Variants in TMPRSS9 observed in about 807,000 individuals in gnomAD.
The protein encoded by TMPRSS9 is transmembrane serine protease 9.
A neutral mutation model predicts 111.4 loss-of-function variants in TMPRSS9; 113 were observed. The observed-to-expected ratio is 1.01, with a 90% confidence interval of 0.87 to 1.19. The LOEUF (loss-of-function observed/expected upper bound fraction) is 1.19. Among genes scored for constraint, TMPRSS9 ranks in the 50% most tolerant of loss-of-function variants. TMPRSS9 has a pLI of 0.00. For missense variants in TMPRSS9, 1,803 were observed against 1,513.1 expected (o/e 1.19, Z -3.18); for synonymous variants, 805 against 659.1 (o/e 1.22, Z -3.39).
At chr19:2,420,441 C>CAAA (rs575760141) in intron 13 of TMPRSS9, among the ~76,000 whole-genome samples, 2,367 of 106,086 alleles carry the variant, frequency 0.022, 48 homozygotes, top group Middle Eastern at 0.041. Flanking sequence ...GACTCCACCT[C>CAAA]AAAAAAAAAA....
rs768859685 is a variant in TMPRSS9, at chr19:2,421,833, T to C, written c.2155-21T>C. On this transcript the variant is annotated intron_variant, in intron 13 of 17. Transcript: ENST00000648592. ...AGAGGGTCCCTGGAGGACCAACCAG[T>C]GCTCTTTCCTTCCTTTCTAGGGTGA... 2.0e-5 allele frequency: 31 copies of C among 1,571,818 alleles called. No individual in the cohort carries two copies. In the South Asian group the frequency reaches 3.2e-4, roughly 16 times the overall value.
chr19:2,366,856 CAAAA>C (rs769704683), intron 1 of TMPRSS9, among the ~76,000 whole-genome samples: 5 of 61,336 alleles, frequency 8.2e-5, no homozygotes, highest in Non-Finnish European at 1.7e-4. Context: ...GACTCCATTT[CAAAA>C]AAAAAAAAAA....
intron 1 of TMPRSS9, among the ~76,000 whole-genome samples, chr19:2,377,479 CTCTCT>C (rs1970346931): frequency 1.4e-5 from 1 of 71,738 alleles, no homozygotes; most frequent in African/African-American, 7.9e-5. Context: ...CTCCCCTCTC[CTCTCT>C]CCCCCCCACC....
intron 10 of TMPRSS9, among the ~76,000 whole-genome samples, chr19:2,415,113 T>G (rs1247912327): frequency 2.6e-5 from 4 of 151,458 alleles, no homozygotes; most frequent in African/African-American, 9.7e-5. Context: ...CTTGGCTAAT[T>G]TTTGTATTTT....
chr19:2,416,610 G>A, exon 12 of TMPRSS9: 5 of 1,612,760 alleles, frequency 3.1e-6, no homozygotes, highest in Non-Finnish European at 4.2e-6. Context: ...GCCCGGTGAA[G>A]ATCGGGCTGC....
Position 2,416,816 on chromosome 19 carries a change from G to T in TMPRSS9, c.2017+7G>T. 1 of 1,599,814 alleles carries T rather than the reference G, an allele frequency of 6.3e-7. No individual in the cohort carries two copies. ...AATACGCAGGAAGGAAATGGTGAGC[G>T]CTGCCCCATCGAGGGGAACGGTGGA... On this transcript the variant is annotated splice_region_variant and intron_variant, in intron 12 of 17. Transcript: ENST00000648592.
chr19:2,386,884 T>G (rs1970488613), upstream of TMPRSS9, among the ~76,000 whole-genome samples: 1 of 151,784 alleles, frequency 6.6e-6, no homozygotes, highest in South Asian at 2.1e-4. Flanking sequence ...CCCAGCTACT[T>G]GGGAGACTGA....
intron 7 of TMPRSS9, among the ~76,000 whole-genome samples, chr19:2,407,432 C>A (rs1359028485): frequency 2.0e-5 from 3 of 151,486 alleles, no homozygotes; most frequent in Admixed American, 2.0e-4. Context: ...GAGGCTGAGG[C>A]ACGAGGATCA....
chr19:2,370,420 CA>C (rs1307653420), intron 1 of TMPRSS9, among the ~76,000 whole-genome samples: 10,248 of 71,126 alleles, frequency 0.14, 376 homozygotes, highest in East Asian at 0.38. Flanking sequence ...GACTCTGTCT[CA>C]AAAAAAAAAA....
chr19:2,371,751 C>G (rs1970292280), intron 1 of TMPRSS9, among the ~76,000 whole-genome samples: 2 of 151,790 alleles, frequency 1.3e-5, no homozygotes, highest in Non-Finnish European at 1.5e-5. Context: ...CTTGAGCAAA[C>G]CAGGGCCAGG....
At chr19:2,381,141 G>C (rs1370578634) in intron 1 of TMPRSS9, among the ~76,000 whole-genome samples, 4 of 151,974 alleles carry the variant, frequency 2.6e-5, no homozygotes, top group African/African-American at 9.7e-5. Flanking sequence ...TCTCATTCAG[G>C]GTTCGACGCA....
At chr19:2,409,086 G>A (rs558726566) in intron 8 of TMPRSS9, among the ~76,000 whole-genome samples, 10 of 149,782 alleles carry the variant, frequency 6.7e-5, no homozygotes, top group South Asian at 6.3e-4. Context: ...CTGTATTCAC[G>A]AATTCCACTG....
intron 1 of TMPRSS9, among the ~76,000 whole-genome samples, chr19:2,371,803 G>A (rs1055913948): frequency 6.6e-6 from 1 of 152,266 alleles, no homozygotes; most frequent in African/African-American, 2.4e-5. Context: ...CTGGGTGACA[G>A]GGACTCTCAC....
intron 1 of TMPRSS9, among the ~76,000 whole-genome samples, chr19:2,372,253 TCTC>T (rs2145248067): frequency 6.6e-6 from 1 of 152,080 alleles, no homozygotes; most frequent in Admixed American, 6.6e-5. Flanking sequence ...GGCGGGCGAG[TCTC>T]CTCCTACTGA....
chr19:2,391,923 G>C (rs1376663342), intron 1 of TMPRSS9, among the ~76,000 whole-genome samples: 1 of 151,904 alleles, frequency 6.6e-6, no homozygotes, highest in South Asian at 2.1e-4. Context: ...TGTATTTTTA[G>C]TAGAGATAGG....
intron 1 of TMPRSS9, among the ~76,000 whole-genome samples, chr19:2,378,095 G>T (rs1355593287): frequency 2.0e-5 from 3 of 151,990 alleles, no homozygotes; most frequent in Non-Finnish European, 4.4e-5. Context: ...GCCCAGGCTG[G>T]TCTCAAACTC....
At chr19:2,403,538 G>A (rs902494689) in intron 6 of TMPRSS9, among the ~76,000 whole-genome samples, 1 of 152,092 alleles carries the variant, frequency 6.6e-6, no homozygotes, top group African/African-American at 2.4e-5. Context: ...AGGGATGTGA[G>A]CAACGGAAAG....
intron 10 of TMPRSS9, among the ~76,000 whole-genome samples, 161 bp from the exon 12 acceptor site, chr19:2,415,509 A>G (rs1971209519): frequency 6.6e-6 from 1 of 152,108 alleles, no homozygotes; most frequent in Non-Finnish European, 1.5e-5. Flanking sequence ...CCTTGGGCAA[A>G]CTACGGACAC....
chr19:2,415,386 G>A (rs1304495952), intron 10 of TMPRSS9, among the ~76,000 whole-genome samples: 2 of 152,132 alleles, frequency 1.3e-5, no homozygotes, highest in Non-Finnish European at 2.9e-5. Context: ...TGGCTTTGTG[G>A]GCTGCGGGTC....
Sources: allele counts gnomAD v4.1 joint callset (sites outside exome capture counted in the v4.1 genomes callset), GRCh38; gene constraint gnomAD v4.1.1; transcripts MANE v1.5; gene names NCBI Gene and HGNC (gene_info 2026-07-23, HGNC 2026-07-21).